The following RAB28 variants were observed in gnomAD, a reference collection of about 807,000 sequenced individuals.
The protein encoded by RAB28 is RAB28, member RAS oncogene family.
In RAB28, 24 loss-of-function variants were observed where a neutral mutation model predicts 31.7. The observed-to-expected ratio is 0.76, with a 90% CI of 0.55 to 1.06. The LOEUF (loss-of-function observed/expected upper bound fraction) is 1.06. Among genes scored for constraint, RAB28 ranks in the 50% least tolerant of loss-of-function variants. The pLI is 0.00. For missense variants in RAB28, 254 were observed against 258.5 expected (o/e 0.98, Z 0.12); for synonymous variants, 100 against 90.4 (o/e 1.11, Z -0.60).
At chr4:13,456,961 C>T (rs2108956743) in intron 4 of RAB28, among the ~76,000 whole-genome samples, 1 of 152,246 alleles carries the variant, frequency 6.6e-6, no homozygotes, top group African/African-American at 2.4e-5. Context: ...AGCAAATAAT[C>T]CTGTAACTTG....
intron 6 of RAB28, chr4:13,371,618 GT>G: frequency 1.0e-6 from 1 of 985,256 alleles, no homozygotes; most frequent in Non-Finnish European, 1.2e-6. Flanking sequence ...TTTGTAAAAT[GT>G]TTCCGAACTG....
intron 4 of RAB28, among the ~76,000 whole-genome samples, chr4:13,430,922 G>C (rs1050895474): frequency 6.6e-6 from 1 of 152,210 alleles, no homozygotes; most frequent in East Asian, 1.9e-4. Flanking sequence ...TGGGCCAGCA[G>C]TGACACCCAT....
At chr4:13,428,253 T>G (rs187940216) in intron 4 of RAB28, among the ~76,000 whole-genome samples, 1 of 152,150 alleles carries the variant, frequency 6.6e-6, no homozygotes, top group African/African-American at 2.4e-5. Context: ...GAGGCAGAAA[T>G]TGGGCATAAG....
rs957103832 is a variant in RAB28, at chr4:13,380,777, G to C, written c.495+714C>G. ...AATAATCAAAACACCAAAAGCTTAC[G>C]GACAAAATTTTACATTAGAACATTA... is the stretch of plus-strand genomic sequence containing the variant. On this transcript the variant is annotated intron_variant, in intron 5 of 6. Coordinates refer to ENST00000330852, the MANE Select transcript of RAB28 (RefSeq NM_001017979.3). Among the ~76,000 whole-genome samples the C allele has an allele frequency of 1.4e-4, 21 of 151,654 alleles. No homozygotes were observed. The South Asian group carries it at 2.3e-3, about 17-fold the overall frequency.
At chr4:13,472,513 G>A (rs956936726) in intron 3 of RAB28, among the ~76,000 whole-genome samples, 15 of 151,662 alleles carry the variant, frequency 9.9e-5, no homozygotes, top group African/African-American at 3.4e-4. Context: ...TGTATTAATT[G>A]AATTATATAT....
intron 1 of RAB28, among the ~76,000 whole-genome samples, chr4:13,479,842 A>G (rs945808320): frequency 6.6e-6 from 1 of 151,786 alleles, no homozygotes; most frequent in African/African-American, 2.4e-5. Flanking sequence ...AAATAAATAA[A>G]TAAAGATCTG....
chr4:13,436,041 G>C lies in RAB28; in HGVS notation c.391+24658C>G, dbSNP rs140270198. Among the ~76,000 whole-genome samples the C allele has an allele frequency of 4.6e-3, 694 of 152,200 alleles. 6 individuals are homozygous for C. Among genetic ancestry groups the C allele is most frequent in the African/African-American group, 0.016 (661 of 41,506 alleles). On this transcript the variant is annotated intron_variant, in intron 4 of 6. Coordinates refer to ENST00000330852, the MANE Select transcript of RAB28 (RefSeq NM_001017979.3). Reference sequence around the variant, plus strand: ...AAAGGGCTTTATTCCTGCATTCAAGGATGGTTCAGCATATACAAATCAATA... The same window carrying C: ...AAAGGGCTTTATTCCTGCATTCAAGCATGGTTCAGCATATACAAATCAATA...
intron 6 of RAB28, chr4:13,371,095 T>C (rs972557942): frequency 1.2e-5 from 12 of 985,074 alleles, no homozygotes; most frequent in Non-Finnish European, 1.4e-5. Context: ...TGTGACTACA[T>C]TTATAAATAA....
chr4:13,390,848 C>T (rs1157170564), intron 4 of RAB28, among the ~76,000 whole-genome samples: 1 of 152,062 alleles, frequency 6.6e-6, no homozygotes, highest in Admixed American at 6.5e-5. Context: ...AACTGGCTAG[C>T]CATATCTAGA....
chr4:13,372,913 T>A (rs1728769697), intron 6 of RAB28, among the ~76,000 whole-genome samples: 1 of 152,020 alleles, frequency 6.6e-6, no homozygotes, highest in Non-Finnish European at 1.5e-5. Flanking sequence ...CTGAAAATAA[T>A]TTGAGGGGAC....
At chr4:13,451,227 T>C (rs951610078) in intron 4 of RAB28, among the ~76,000 whole-genome samples, 3 of 151,794 alleles carry the variant, frequency 2.0e-5, no homozygotes, top group Non-Finnish European at 4.4e-5. Context: ...AGCCATCCTA[T>C]CTGGGCTGAG....
chr4:13,420,702 A>C (rs1380960368), intron 4 of RAB28, among the ~76,000 whole-genome samples: 1 of 152,238 alleles, frequency 6.6e-6, no homozygotes, highest in African/African-American at 2.4e-5. Flanking sequence ...GACAGAATTC[A>C]ACAGCCCATG....
intron 4 of RAB28, among the ~76,000 whole-genome samples, chr4:13,420,249 C>T (rs915686964): frequency 2.5e-4 from 38 of 151,970 alleles, no homozygotes; most frequent in Non-Finnish European, 3.7e-4. Context: ...AGGCTCTGAG[C>T]CTGAGGCAAT....
intron 4 of RAB28, among the ~76,000 whole-genome samples, chr4:13,400,031 G>A (rs1711658717): frequency 6.6e-6 from 1 of 151,912 alleles, no homozygotes; most frequent in Non-Finnish European, 1.5e-5. Context: ...TAATCTATTT[G>A]GAACTGATTT....
chr4:13,412,928 G>A (rs1347485900), intron 4 of RAB28, among the ~76,000 whole-genome samples: 1 of 151,868 alleles, frequency 6.6e-6, no homozygotes. Context: ...ATTAGAAGCA[G>A]CAGAAAAAGA....
chr4:13,473,215 T>C (rs912066774), intron 3 of RAB28, among the ~76,000 whole-genome samples: 3 of 151,922 alleles, frequency 2.0e-5, no homozygotes, highest in Non-Finnish European at 4.4e-5. Flanking sequence ...ATATACTATA[T>C]CTCCATCCTA....
intron 4 of RAB28, among the ~76,000 whole-genome samples, chr4:13,441,680 G>A (rs748186024): frequency 6.6e-5 from 10 of 152,182 alleles, no homozygotes; most frequent in Non-Finnish European, 1.5e-4. Context: ...TTGCTTTATG[G>A]ATGGCTAAAT....
intron 4 of RAB28, among the ~76,000 whole-genome samples, chr4:13,406,353 A>G (rs1215052629): frequency 6.6e-6 from 1 of 152,196 alleles, no homozygotes; most frequent in Admixed American, 6.5e-5. Context: ...ATGGCTGCAT[A>G]GTATTCCATG....
intron 4 of RAB28, among the ~76,000 whole-genome samples, chr4:13,437,470 A>G (rs1297450762): frequency 6.6e-6 from 1 of 152,160 alleles, no homozygotes; most frequent in African/African-American, 2.4e-5. Flanking sequence ...ATGCATTGCC[A>G]AAGAACTAAT....
Sources: gnomAD v4.1 joint callset for allele counts (sites outside exome capture counted in the v4.1 genomes callset) on GRCh38, gnomAD v4.1.1 for gene constraint, MANE v1.5 for transcripts, NCBI Gene and HGNC (gene_info 2026-07-23, HGNC 2026-07-21) for gene names.